TNRC6B: variants seen among roughly 807,000 people sequenced by gnomAD.
The protein encoded by TNRC6B is trinucleotide repeat-containing gene 6B protein.
In TNRC6B, 52 loss-of-function variants were observed where a neutral mutation model predicts 203.6. The ratio of observed to expected loss-of-function variants is 0.26; its 90% confidence interval spans 0.20 to 0.32. The LOEUF (loss-of-function observed/expected upper bound fraction) is 0.32, where lower values mean the gene tolerates loss of function less well. Among genes scored for constraint, TNRC6B ranks in the 10% least tolerant of loss-of-function variants. The probability of loss-of-function intolerance (pLI) is 1.00; values close to 1 mark genes in which losing one functional copy is unlikely to be tolerated. For missense variants in TNRC6B, 1,923 were observed against 2,286.2 expected, an observed-to-expected ratio of 0.84 and a Z score of 3.24; for synonymous variants, 838 against 845.7, an observed-to-expected ratio of 0.99 and a Z score of 0.16.
chr22:40,273,498 A>G lies in TNRC6B; in HGVS notation c.3039A>G (p.Glu1013=). 3 of 1,606,080 alleles carry G rather than the reference A, an allele frequency of 1.9e-6. No homozygotes were observed. Among genetic ancestry groups the G allele is most frequent in the Non-Finnish European group, 2.6e-6 (3 of 1,176,156 alleles). ...PVTGARHPSW[E]EEEDGGVWNT... ...CAGGAGCTCGCCATCCCAGCTGGGA[A>G]GAGGAGGAGGATGGAGGAGTCTGGA... Residue 1013 remains glutamate, a synonymous_variant, in exon 7 of 23, where the codon GAA becomes GAG. Coordinates refer to ENST00000454349, the MANE Select transcript of TNRC6B (RefSeq NM_001162501.2).
At position 40,315,426 on chromosome 22, in the gene TNRC6B, C is replaced by A. The variant is rs1474611602; in HGVS notation, c.4822C>A (p.Pro1608Thr). The change falls in exon 20 of 23, where the codon CCC (proline) becomes ACC (threonine). Residue 1608 changes from proline (P) to threonine (T), a missense_variant. Pro to Thr is a conservative substitution (Grantham distance 38). This residue lies in a region of TNRC6B where 159 missense variants were observed against 181.0 expected (regional missense o/e 0.88). Coordinates refer to ENST00000454349, the MANE Select transcript of TNRC6B (RefSeq NM_001162501.2). ...CCGCCCACCTCCTGGTCTGACCAAC[C>A]CCAAACCATCATCTCCCTGGAGCAG... ...LPRPPPGLTN[P>T]KPSSPWSSTA... is the part of the protein sequence containing the mutation. The A allele has an allele frequency of 6.2e-7, 1 of 1,613,858 alleles. No individual in the cohort carries two copies. The highest frequency in any genetic ancestry group is 8.5e-7 in the Non-Finnish European group (1 of 1,179,882).
intron 1 of TNRC6B, among the ~76,000 whole-genome samples, chr22:40,203,810 A>G (rs1374251319): frequency 6.6e-6 from 1 of 152,202 alleles, no homozygotes; most frequent in East Asian, 1.9e-4. Flanking sequence ...CCATCTTTCT[A>G]AGGGTTCGGT....
intron 2 of TNRC6B, among the ~76,000 whole-genome samples, chr22:40,119,044 G>A (rs187059281): frequency 6.6e-6 from 1 of 152,304 alleles, no homozygotes; most frequent in East Asian, 1.9e-4. Context: ...CCAGGCAGAC[G>A]AGGCTGGAGA....
chr22:40,282,616 AC>A (rs1312126749), intron 11 of TNRC6B, among the ~76,000 whole-genome samples: 1 of 152,170 alleles, frequency 6.6e-6, no homozygotes, highest in Admixed American at 6.5e-5. Context: ...AGTATAGTAG[AC>A]CAGCCAAACT....
chr22:40,272,840 C>G (rs2070582912), intron 6 of TNRC6B, among the ~76,000 whole-genome samples: 1 of 152,094 alleles, frequency 6.6e-6, no homozygotes, highest in Admixed American at 6.5e-5. Flanking sequence ...GTGTGTAGTT[C>G]TAATACATTT....
chr22:40,082,258 G>A (rs1303483701), intron 1 of TNRC6B, among the ~76,000 whole-genome samples: 1 of 152,158 alleles, frequency 6.6e-6, no homozygotes, highest in Non-Finnish European at 1.5e-5. Flanking sequence ...GTTATAAACT[G>A]TCAGGGAGAA....
At position 40,300,933 on chromosome 22, in the gene TNRC6B, G is replaced by A; in HGVS notation, c.3864G>A (p.Gln1288=). The A allele has an allele frequency of 1.2e-6, 2 of 1,613,806 alleles. No individual in the cohort carries two copies. Among genetic ancestry groups the A allele is most frequent in the South Asian group, 2.2e-5 (2 of 90,986 alleles). Residue 1288 remains glutamine, a synonymous_variant, in exon 14 of 23, where the codon CAG becomes CAA. Transcript: ENST00000454349. ...AGGCATGTCAGCTTCTCTTGCAGCA[G>A]CAGCAACAGCAGCAGTTGTTACAGA... The part of the protein sequence containing the change: ...FQLACQLLLQ[Q]QQQQQLLQNQ...
intron 3 of TNRC6B, among the ~76,000 whole-genome samples, chr22:40,140,769 A>T (rs1393200739): frequency 6.6e-6 from 1 of 151,868 alleles, no homozygotes; most frequent in African/African-American, 2.4e-5. Flanking sequence ...AACTCCCAAG[A>T]AGCTGGGACT....
At chr22:40,172,918 C>A (rs2146370228) in intron 4 of TNRC6B, among the ~76,000 whole-genome samples, 1 of 152,220 alleles carries the variant, frequency 6.6e-6, no homozygotes, top group African/African-American at 2.4e-5. Flanking sequence ...TATCATCCAT[C>A]TTATTTAATC....
chr22:40,158,630 C>T (rs1018133236), intron 4 of TNRC6B, among the ~76,000 whole-genome samples: 4 of 152,188 alleles, frequency 2.6e-5, no homozygotes, highest in Non-Finnish European at 5.9e-5. Flanking sequence ...CAAACAGCCC[C>T]AGCAAGTTGG....
At chr22:40,215,929 A>G (rs1161579093) in intron 1 of TNRC6B, among the ~76,000 whole-genome samples, 3 of 152,172 alleles carry the variant, frequency 2.0e-5, no homozygotes, top group Non-Finnish European at 4.4e-5. Context: ...TGAAATGTAA[A>G]TCTGATATTC....
intron 2 of TNRC6B, among the ~76,000 whole-genome samples, chr22:40,118,427 G>A (rs1315176139): frequency 6.6e-6 from 1 of 152,110 alleles, no homozygotes; most frequent in Non-Finnish European, 1.5e-5. Context: ...TAAATAACTT[G>A]CCCAAGACCA....
At chr22:40,058,316 C>G (rs1040921870) in intron 1 of TNRC6B, among the ~76,000 whole-genome samples, 1 of 152,198 alleles carries the variant, frequency 6.6e-6, no homozygotes, top group African/African-American at 2.4e-5. Flanking sequence ...ATGTAAAAGA[C>G]ATCACATTTC....
Position 40,313,004 on chromosome 22 carries a change from G to A in TNRC6B, c.4678+7G>A, listed in dbSNP as rs772225670. On this transcript the variant is annotated splice_region_variant and intron_variant, in intron 19 of 22. Coordinates refer to ENST00000454349, the MANE Select transcript of TNRC6B (RefSeq NM_001162501.2). ...AACGTTCATAGCACTTCAGGTATGA[G>A]TGTGAATTTTTTGTTTCCCTTTGGT... The A allele has an allele frequency of 3.1e-6, 5 of 1,609,900 alleles. No homozygotes were observed. In the East Asian group the frequency reaches 8.9e-5, roughly 29 times the overall value.
intron 2 of TNRC6B, among the ~76,000 whole-genome samples, chr22:40,119,321 C>T (rs968054835): frequency 6.6e-6 from 1 of 152,200 alleles, no homozygotes; most frequent in Non-Finnish European, 1.5e-5. Context: ...CGGTGGCTCA[C>T]GCCTATAGTC....
chr22:40,166,809 C>T (rs1220157418), intron 4 of TNRC6B, among the ~76,000 whole-genome samples: 1 of 151,416 alleles, frequency 6.6e-6, no homozygotes, highest in Non-Finnish European at 1.5e-5. Context: ...GCAGGAGATT[C>T]GCTTGAACCA....
chr22:40,231,397 T>TA (rs1391464743), intron 1 of TNRC6B, among the ~76,000 whole-genome samples: 2 of 152,208 alleles, frequency 1.3e-5, no homozygotes, highest in Non-Finnish European at 2.9e-5. Context: ...TCTCTTCACT[T>TA]ACGTAGGTTT....
chr22:40,061,037 C>G (rs1230622398), intron 1 of TNRC6B, among the ~76,000 whole-genome samples: 1 of 152,158 alleles, frequency 6.6e-6, no homozygotes, highest in Non-Finnish European at 1.5e-5. Flanking sequence ...AACCTTTTTG[C>G]AAGCCGACTT....
intron 4 of TNRC6B, among the ~76,000 whole-genome samples, chr22:40,162,774 A>G (rs2068882065): frequency 6.6e-6 from 1 of 152,220 alleles, no homozygotes; most frequent in African/African-American, 2.4e-5. Flanking sequence ...CATCAGAAGA[A>G]TAGTTGGCTT....
Sources: allele counts gnomAD v4.1 joint callset (sites outside exome capture counted in the v4.1 genomes callset), GRCh38; gene constraint gnomAD v4.1.1; regional missense constraint gnomAD v4.1.1; transcripts MANE v1.5; gene names NCBI Gene and HGNC (gene_info 2026-07-23, HGNC 2026-07-21).